Variants in RIBC2 observed in about 807,000 individuals in gnomAD.
The protein encoded by RIBC2 is RIB43A domain with coiled-coils 2, also known as RIB43A-like with coiled-coils protein 2.
RIBC2 carries 40 observed loss-of-function variants against 44.3 expected under a neutral mutation model. The ratio of observed to expected loss-of-function variants is 0.90; its 90% CI spans 0.70 to 1.18. The LOEUF (loss-of-function observed/expected upper bound fraction) is 1.18. RIBC2 is among the 50% of genes most tolerant of loss of function. The probability of loss-of-function intolerance (pLI) is 0.00; values close to 1 mark genes in which losing one functional copy is unlikely to be tolerated. For missense variants in RIBC2, 459 were observed against 485.5 expected, an observed-to-expected ratio of 0.95 and a Z score of 0.51; for synonymous variants, 171 against 175.0, an observed-to-expected ratio of 0.98 and a Z score of 0.18.
Position 45,414,391 on chromosome 22 carries a change from C to G in RIBC2, c.199C>G (p.His67Asp). The G allele has an allele frequency of 6.5e-7, 1 of 1,549,954 alleles. No individual in the cohort carries two copies. Among genetic ancestry groups the G allele is most frequent in the Non-Finnish European group, 8.7e-7 (1 of 1,145,792 alleles). The change falls in exon 2 of 7, where the codon CAT (histidine) becomes GAT (aspartate). Residue 67 changes from histidine to aspartate, a missense_variant. Coordinates refer to ENST00000614167, the MANE Select transcript of RIBC2 (RefSeq NM_015653.5). ...KIKEATEKAR[H>D]ETFAAEMRQN... ...AAAAGAAGCTACTGAAAAAGCTAGA[C>G]ATGAAACCTTTGGTGAGCATTTCCT...
chr22:45,432,366 G>T lies in RIBC2; in HGVS notation c.*4G>T. ...ATTTAATACAGGAAGTCGATAATGA[G>T]GAACACACCCTTGTTCCCGTCATTC... is the stretch of plus-strand genomic sequence containing the variant. On this transcript the variant is annotated 3_prime_UTR_variant, in exon 7 of 7. Transcript: ENST00000614167. 6.3e-7 allele frequency: 1 copy of T among 1,578,270 alleles called. No homozygotes were observed. The highest frequency in any genetic ancestry group is 8.7e-7 in the Non-Finnish European group (1 of 1,149,252).
intron 5 of RIBC2, among the ~76,000 whole-genome samples, chr22:45,430,615 C>T (rs140238192): frequency 1.3e-3 from 203 of 152,296 alleles, no homozygotes; most frequent in African/African-American, 4.6e-3. Context: ...CCCTGCACCC[C>T]GGAGCTGGGA....
At chr22:45,415,274 A>G (rs1602110052) in intron 2 of RIBC2, among the ~76,000 whole-genome samples, 1 of 151,892 alleles carries the variant, frequency 6.6e-6, no homozygotes, top group African/African-American at 2.4e-5. Context: ...AAAGCAGGAT[A>G]CAAAATTGTA....
chr22:45,426,285 T>G, intron 5 of RIBC2, 110 bp downstream of exon 5: 1 of 876,482 alleles, frequency 1.1e-6, no homozygotes, highest in Non-Finnish European at 1.7e-6. Context: ...CCCTAGCACC[T>G]GCCCTCAAGG....
chr22:45,417,553 AT>A (rs11320557), intron 2 of RIBC2, 48 bp from the exon 3 acceptor site: 769,783 of 1,373,258 alleles, frequency 0.56, 223,028 homozygotes, highest in African/African-American at 0.83. Flanking sequence ...ATTCAAATTT[AT>A]TTTTTCCTCT....
chr22:45,421,581 TAATA>T (rs2087484483), intron 3 of RIBC2, among the ~76,000 whole-genome samples: 1 of 29,404 alleles, frequency 3.4e-5, no homozygotes, highest in African/African-American at 2.2e-4. Context: ...ATAGTATTAT[TAATA>T]ATAATAATAG....
Position 45,425,978 on chromosome 22 carries a change from G to T in RIBC2, c.706G>T (p.Glu236Ter). 1 of 1,613,974 alleles carries T rather than the reference G, an allele frequency of 6.2e-7. No individual in the cohort carries two copies. The highest frequency in any genetic ancestry group is 1.1e-5 in the South Asian group (1 of 91,054). Residue 236 changes from glutamate to a stop codon, truncating the protein, a stop_gained, in exon 5 of 7, where the codon GAG (glutamate) becomes TAG (stop). Transcript: ENST00000614167. LOFTEE classifies it high-confidence loss of function. ...CGAGTCAGTGGAAAGGAAAAAGCAA[G>T]AGAAAAAGCAAGAACAAGAGGACAA... is the stretch of plus-strand genomic sequence containing the variant. ...AIESVERKKQEKKQEQEDNLA... is the reference protein window; with the variant it reads ...AIESVERKKQ
In RIBC2 at chr22:45,414,392, A is replaced by G. The variant is rs62001057; in HGVS notation, c.200A>G (p.His67Arg). Residue 67 changes from histidine (H) to arginine (R), a missense_variant, in exon 2 of 7, where the codon CAT becomes CGT. Physicochemically the swap from His to Arg is conservative, Grantham distance 29. Coordinates refer to ENST00000614167, the MANE Select transcript of RIBC2 (RefSeq NM_015653.5). The part of the protein sequence containing the change: ...KIKEATEKAR[H>R]ETFAAEMRQN... ...AAAGAAGCTACTGAAAAAGCTAGACATGAAACCTTTGGTGAGCATTTCCTG... is the reference window on the plus strand; with the variant it reads ...AAAGAAGCTACTGAAAAAGCTAGACGTGAAACCTTTGGTGAGCATTTCCTG... The G allele has an allele frequency of 4.9e-3, 7,590 of 1,550,074 alleles. 47 individuals carry two copies. Among genetic ancestry groups the G allele is most frequent in the Middle Eastern group, 0.022 (133 of 5,984 alleles).
intron 6 of RIBC2, 74 bp downstream of exon 6, chr22:45,431,140 G>A (rs5765352): frequency 0.52 from 779,396 of 1,500,852 alleles, 211,430 homozygotes; most frequent in African/African-American, 0.89. Flanking sequence ...GGTCAAGGAC[G>A]AGGAGGGGGC....
In RIBC2 at chr22:45,413,808, C is replaced by T; in HGVS notation, c.-79C>T. ...CCCCTGCCCGACCGAAGGAGCCGAC[C>T]TTGCCTGCGCTACAGCTTCCTTATT... On this transcript the variant is annotated 5_prime_UTR_variant, in exon 1 of 7. Coordinates refer to ENST00000614167, the MANE Select transcript of RIBC2 (RefSeq NM_015653.5). 1.4e-6 allele frequency: 2 copies of T among 1,471,626 alleles called. No individual in the cohort carries two copies. The highest frequency in any genetic ancestry group is 1.8e-6 in the Non-Finnish European group (2 of 1,105,910). The allele number at this position is 1,471,626 out of a possible 1,614,324, so 91.2% of individuals were successfully genotyped here. A position where few individuals can be genotyped will look rare whatever the true frequency, so the allele number is the denominator to read the frequency against.
chr22:45,421,538 ATAATAT>A (rs1569208858), intron 3 of RIBC2, among the ~76,000 whole-genome samples: 2 of 29,356 alleles, frequency 6.8e-5, no homozygotes, highest in African/African-American at 9.7e-4. Flanking sequence ...AGTATTATTA[ATAATAT>A]TAATAATAAT....
chr22:45,414,879 G>C (rs1375038565), intron 2 of RIBC2, among the ~76,000 whole-genome samples: 3 of 151,984 alleles, frequency 2.0e-5, no homozygotes, highest in Non-Finnish European at 4.4e-5. Flanking sequence ...ACACTCACTT[G>C]CTCTGCTCAA....
intron 5 of RIBC2, among the ~76,000 whole-genome samples, chr22:45,429,783 G>A (rs1459685856): frequency 6.6e-6 from 1 of 152,174 alleles, no homozygotes; most frequent in Non-Finnish European, 1.5e-5. Context: ...AAGCAGTATT[G>A]CTGTCTAGTT....
In RIBC2 at chr22:45,413,867, A is replaced by T; in HGVS notation, c.-20A>T. ...CTGTTCTCCTGATCCTGCGTGTTCT[A>T]AAAACCCCTTAGGCTTTCCATGGGT... On this transcript the variant is annotated 5_prime_UTR_variant, in exon 1 of 7. Transcript: ENST00000614167. The T allele has an allele frequency of 6.5e-7, 1 of 1,535,616 alleles. No homozygotes were observed. Among genetic ancestry groups the T allele is most frequent in the South Asian group, 1.2e-5 (1 of 83,122 alleles).
intron 4 of RIBC2, among the ~76,000 whole-genome samples, chr22:45,424,807 G>C (rs1258596198): frequency 1.4e-5 from 2 of 143,454 alleles, no homozygotes; most frequent in Admixed American, 7.3e-5. Context: ...AGCCTGGAGT[G>C]TGTAGTGGCG....
In RIBC2 at chr22:45,420,659, C is replaced by G. The variant is rs185370201; in HGVS notation, c.557-1631C>G. Among the ~76,000 whole-genome samples the G allele has an allele frequency of 9.8e-5, 15 of 152,314 alleles. 1 individual carries two copies. The highest frequency in any genetic ancestry group is 7.8e-4 in the Admixed American group (12 of 15,300). ...CTAACTGGTACCTCCTGCCCTTAAACCAGAAGTCTAGGGAATCATCCATGA... is the reference window on the plus strand; with the variant it reads ...CTAACTGGTACCTCCTGCCCTTAAAGCAGAAGTCTAGGGAATCATCCATGA... On this transcript the variant is annotated intron_variant, in intron 3 of 6. Transcript: ENST00000614167.
At position 45,413,732 on chromosome 22, in the gene RIBC2, C is replaced by T; in HGVS notation, c.-155C>T. 1 of 1,200,400 alleles carries T rather than the reference C, an allele frequency of 8.3e-7. No homozygotes were observed. 74.4% of individuals were successfully genotyped at this position (1,200,400 alleles called of 1,614,324 possible). The stretch of plus-strand genomic sequence containing the variant: ...CGAGAGAGCGGGAGCGTCTGTACCT[C>T]TGCGGCGTCACTGGGAGCCCGACGG... On this transcript the variant is annotated 5_prime_UTR_variant, in exon 1 of 7. Coordinates refer to ENST00000614167, the MANE Select transcript of RIBC2 (RefSeq NM_015653.5).
At position 45,421,514 on chromosome 22, in the gene RIBC2, TTAATAATAATAATAG is replaced by T. The variant is rs2087479511; in HGVS notation, c.557-773_557-759del. Among the ~76,000 whole-genome samples the T allele has an allele frequency of 2.5e-4, 16 of 62,862 alleles. 1 individual carries two copies. The highest frequency in any genetic ancestry group is 1.5e-3 in the South Asian group (2 of 1,340). The allele number at this position is 62,862 out of a possible 152,430, so 41.2% of individuals were successfully genotyped here. ...ATTATTATTATTAATAATAGTATTA[TTAATAATAATAATAG>T]TATTATTAATAATATTAATAATAAT... On this transcript the variant is annotated intron_variant, in intron 3 of 6. Coordinates refer to ENST00000614167, the MANE Select transcript of RIBC2 (RefSeq NM_015653.5).
intron 5 of RIBC2, among the ~76,000 whole-genome samples, chr22:45,430,510 A>G (rs1222404019): frequency 2.0e-5 from 3 of 152,184 alleles, no homozygotes; most frequent in Admixed American, 2.0e-4. Flanking sequence ...GCAGCCGGCC[A>G]TGGCTCATGG....
Sources: allele counts gnomAD v4.1 joint callset (sites outside exome capture counted in the v4.1 genomes callset), GRCh38; gene constraint gnomAD v4.1.1; transcripts MANE v1.5; gene names NCBI Gene and HGNC (gene_info 2026-07-23, HGNC 2026-07-21).